RAD50: variants seen among roughly 807,000 people sequenced by gnomAD.
RAD50 encodes RAD50 double strand break repair protein.
Under a neutral mutation model 168.8 loss-of-function variants are expected in RAD50, and 132 were observed. The ratio of observed to expected loss-of-function variants is 0.78; its 90% CI spans 0.68 to 0.90. The LOEUF is 0.90. RAD50 is among the 40% of genes least tolerant of loss of function. RAD50 has a pLI of 0.00. For synonymous variants in RAD50, 525 were observed against 497.4 expected (o/e 1.06, Z -0.74); for missense variants, 1,347 against 1,534.4 (o/e 0.88, Z 2.04).
intron 19 of RAD50, among the ~76,000 whole-genome samples, chr5:132,609,711 G>A (rs1389605058): frequency 2.0e-5 from 3 of 152,156 alleles, no homozygotes; most frequent in African/African-American, 7.2e-5. Flanking sequence ...GAACCTGGGA[G>A]GCAGAGGTTG....
At position 132,609,369 on chromosome 5, in the gene RAD50, C is replaced by T. The variant is rs1168154871; in HGVS notation, c.3009C>T (p.Leu1003=). ...HKEKINEDMR[L]MRQDIDTQKI... is the part of the protein sequence containing the mutation. Reference sequence around the variant, plus strand: ...AAAAGATAAATGAAGATATGAGACTCATGAGACAAGATATTGATACACAGA... The same window carrying T: ...AAAAGATAAATGAAGATATGAGACTTATGAGACAAGATATTGATACACAGA... The change falls in exon 19 of 25, where the codon CTC becomes CTT. Residue 1003 remains leucine (L), a synonymous_variant. Transcript: ENST00000378823. The T allele has an allele frequency of 7.4e-6, 12 of 1,613,780 alleles. No homozygotes were observed. The Middle Eastern group carries it at 6.6e-4, about 89-fold the overall frequency.
intron 19 of RAD50, among the ~76,000 whole-genome samples, chr5:132,614,874 T>C (rs1190976922): frequency 6.6e-6 from 1 of 152,038 alleles, no homozygotes; most frequent in African/African-American, 2.4e-5. Flanking sequence ...AGGGGCAGGA[T>C]TGGATATGAA....
rs750418251 is a variant in RAD50 at position 132,603,327 on chromosome 5, G to C, written c.2235G>C (p.Lys745Asn). The change falls in exon 14 of 25, where the codon AAG becomes AAC. Residue 745 changes from lysine (K) to asparagine (N), a missense_variant. Lys to Asn is a moderately conservative substitution (Grantham distance 94). This residue lies in a region of RAD50 where 635 missense variants were observed against 739.2 expected (regional missense o/e 0.86). Coordinates refer to ENST00000378823, the MANE Select transcript of RAD50 (RefSeq NM_005732.4). ...AAAGCATAATTGATTTGAAGGAGAA[G>C]GAAATACCAGAATTAAGAAACAAAC... ...MRQSIIDLKE[K>N]EIPELRNKLQ... is the part of the protein sequence containing the mutation. The C allele has an allele frequency of 1.9e-6, 3 of 1,613,032 alleles. No individual in the cohort carries two copies. The highest frequency in any genetic ancestry group is 2.7e-5 in the African/African-American group (2 of 74,850).
chr5:132,636,136 C>T (rs771282533), intron 21 of RAD50, among the ~76,000 whole-genome samples: 2 of 152,212 alleles, frequency 1.3e-5, no homozygotes, highest in Admixed American at 1.3e-4. Flanking sequence ...CTCACATCCT[C>T]ACATCCTTTG....
chr5:132,614,263 T>G (rs778832451), intron 19 of RAD50, among the ~76,000 whole-genome samples: 1 of 152,194 alleles, frequency 6.6e-6, no homozygotes, highest in Non-Finnish European at 1.5e-5. Context: ...TTCTGGGGTA[T>G]TAGATGAAAG....
chr5:132,576,134 A>G (rs939021089), intron 3 of RAD50, among the ~76,000 whole-genome samples: 1 of 152,188 alleles, frequency 6.6e-6, no homozygotes, highest in Admixed American at 6.5e-5. Flanking sequence ...ACCCCCACGC[A>G]CACACAGCCT....
At position 132,563,780 on chromosome 5, in the gene RAD50, C is replaced by T. The variant is rs143621433; in HGVS notation, c.213+4413C>T. On this transcript the variant is annotated intron_variant, in intron 2 of 24. Transcript: ENST00000378823. ...CCCAAATCTCATGTCAAATTGTAAC[C>T]CCCATTGTTGGAGGAGGGGCCTGGT... Among the ~76,000 whole-genome samples the T allele has an allele frequency of 3.9e-3, 591 of 152,222 alleles. 5 individuals are homozygous for T. The highest frequency in any genetic ancestry group is 0.014 in the African/African-American group (561 of 41,530).
At chr5:132,579,102 T>C (rs1299305915) in intron 3 of RAD50, among the ~76,000 whole-genome samples, 1 of 152,216 alleles carries the variant, frequency 6.6e-6, no homozygotes, top group African/African-American at 2.4e-5. Flanking sequence ...CTGGCTTCCT[T>C]TCCTGAACTA....
chr5:132,569,553 C>T (rs1750265403), intron 2 of RAD50, among the ~76,000 whole-genome samples: 1 of 152,050 alleles, frequency 6.6e-6, no homozygotes, highest in Non-Finnish European at 1.5e-5. Context: ...ATCTCAATAC[C>T]CCTCTCAGTA....
chr5:132,619,535 G>A (rs1050300097), intron 21 of RAD50, among the ~76,000 whole-genome samples: 5 of 151,854 alleles, frequency 3.3e-5, no homozygotes, highest in Admixed American at 2.6e-4. Context: ...AAAGTGCTGG[G>A]GTCACAGGTG....
intron 2 of RAD50, among the ~76,000 whole-genome samples, chr5:132,560,229 A>T (rs934385323): frequency 2.6e-5 from 4 of 152,208 alleles, no homozygotes; most frequent in Non-Finnish European, 4.4e-5. Flanking sequence ...GCATTCACAC[A>T]TACATATTTT....
chr5:132,643,734 G>GGGGGGGGGGGGGGGGGGGGCC lies in RAD50; in HGVS notation c.*1370_*1371insGGGGGGGGGGGGGGGGGGGCC. On this transcript the variant is annotated 3_prime_UTR_variant, in exon 25 of 25. Coordinates refer to ENST00000378823, the MANE Select transcript of RAD50 (RefSeq NM_005732.4). ...GGGGGTGGTGGTGGGGTGGGGGGGG[G>GGGGGGGGGGGGGGGGGGGGCC]TCCTAAATGTAATCACGAGTAAGAT... The GGGGGGGGGGGGGGGGGGGGCC allele has an allele frequency of 5.6e-6, 1 of 177,118 alleles. No individual in the cohort carries two copies. The highest frequency in any genetic ancestry group is 1.2e-5 in the Non-Finnish European group (1 of 84,834). 11.0% of individuals were successfully genotyped at this position (177,118 alleles called of 1,614,324 possible).
chr5:132,604,473 G>A (rs1166615341), intron 15 of RAD50, among the ~76,000 whole-genome samples: 1 of 152,062 alleles, frequency 6.6e-6, no homozygotes, highest in Non-Finnish European at 1.5e-5. Context: ...CACTGTGTTT[G>A]TCAGGCTGAT....
chr5:132,593,508 A>C (rs1398020723), intron 11 of RAD50: 1 of 152,224 alleles, frequency 6.6e-6, no homozygotes, highest in African/African-American at 2.4e-5. Flanking sequence ...GAAGATTAAA[A>C]TTTAAAAATT....
intron 2 of RAD50, among the ~76,000 whole-genome samples, chr5:132,570,238 G>T (rs1350339869): frequency 6.6e-6 from 1 of 152,084 alleles, no homozygotes; most frequent in East Asian, 1.9e-4. Flanking sequence ...CCCAAGTAAG[G>T]AATCTATGAG....
At chr5:132,566,097 T>TATCAAA (rs1657170340) in intron 2 of RAD50, among the ~76,000 whole-genome samples, 1 of 152,248 alleles carries the variant, frequency 6.6e-6, no homozygotes, top group Admixed American at 6.5e-5. Context: ...GAAATTGTTC[T>TATCAAA]GAAGTATAAT....
intron 16 of RAD50, among the ~76,000 whole-genome samples, chr5:132,608,060 C>A (rs1435622406): frequency 2.6e-5 from 4 of 152,216 alleles, no homozygotes; most frequent in African/African-American, 9.6e-5. Context: ...GAGACACCAA[C>A]ATTAGTTTAA....
rs541543215 is a variant in RAD50, at chr5:132,588,834, T to A, written c.1199T>A (p.Val400Glu). The A allele has an allele frequency of 7.4e-6, 12 of 1,613,978 alleles. No homozygotes were observed. In the East Asian group the frequency reaches 2.0e-4, roughly 27 times the overall value. ...ERQIKNFHKLVRERQEGEAKT... is the reference protein window; with the variant it reads ...ERQIKNFHKLERERQEGEAKT... ...CAGATTAAAAATTTTCACAAACTTG[T>A]GAGAGAGAGACAAGAAGGGGAAGCA... The change falls in exon 8 of 25, where the codon GTG (valine) becomes GAG (glutamate). Residue 400 changes from valine to glutamate, a missense_variant. Around this residue, in one of 3 missense-constraint regions of RAD50, gnomAD observed 703 missense variants for 767.7 expected, o/e 0.92. Coordinates refer to ENST00000378823, the MANE Select transcript of RAD50 (RefSeq NM_005732.4).
intron 2 of RAD50, among the ~76,000 whole-genome samples, chr5:132,563,002 T>C (rs1750147325): frequency 6.6e-6 from 1 of 152,210 alleles, no homozygotes; most frequent in South Asian, 2.1e-4. Flanking sequence ...AGTGTTTGGA[T>C]ATGTGGAGTC....
Sources: gnomAD v4.1 joint callset for allele counts (sites outside exome capture counted in the v4.1 genomes callset) on GRCh38, gnomAD v4.1.1 for gene constraint, gnomAD v4.1.1 regional missense constraint, MANE v1.5 for transcripts, NCBI Gene and HGNC (gene_info 2026-07-23, HGNC 2026-07-21) for gene names.